TENM2: variants seen among roughly 807,000 people sequenced by gnomAD.
The protein encoded by TENM2 is teneurin-2.
In TENM2, 52 loss-of-function variants were observed where a neutral mutation model predicts 245.2. That is an observed-to-expected ratio of 0.21 (90% CI 0.17 to 0.27). The LOEUF is 0.27. Ranked by LOEUF, TENM2 falls within the 10% of genes least tolerant of loss-of-function variation. The pLI, the probability that TENM2 is intolerant of heterozygous loss-of-function variation, is 1.00. For synonymous variants in TENM2, 1,363 were observed against 1,438.9 expected, an observed-to-expected ratio of 0.95 and a Z score of 1.19; for missense variants, 3,046 against 3,666.8, an observed-to-expected ratio of 0.83 and a Z score of 4.37.
At chr5:167,979,139 A>G (rs1562009818) in intron 4 of TENM2, among the ~76,000 whole-genome samples, 1 of 152,210 alleles carries the variant, frequency 6.6e-6, no homozygotes, top group Admixed American at 6.5e-5. Flanking sequence ...CTTCAGACAG[A>G]TGTCTTGAAG....
chr5:167,026,271 A>G, the TENM2 span, among the ~76,000 whole-genome samples: 1 of 152,208 alleles, frequency 6.6e-6, no homozygotes, highest in Non-Finnish European at 1.5e-5. Context: ...GGAATCAAAC[A>G]GATTTGGATA....
chr5:168,016,670 C>A (rs10076491), intron 5 of TENM2, among the ~76,000 whole-genome samples: 6 of 152,078 alleles, frequency 3.9e-5, no homozygotes, highest in Non-Finnish European at 7.4e-5. Flanking sequence ...TCCCCAAGCA[C>A]CTTCTCAGTG....
chr5:168,218,062 C>T lies in TENM2; in HGVS notation c.4234-63C>T, dbSNP rs930292443. ...CTAGATATATAAAACCAGTAAGTGC[C>T]GTACGGTTAAACGTTGGACATATTA... On this transcript the variant is annotated intron_variant, in intron 22 of 28. Transcript: ENST00000518659. The surrounding 1 kb of genome is among the most constrained non-coding windows in gnomAD (Gnocchi z 5.2). The T allele has an allele frequency of 3.3e-6, 5 of 1,533,632 alleles. No homozygotes were observed. The highest frequency in any genetic ancestry group is 2.3e-5 in the East Asian group (1 of 44,168).
At chr5:167,316,928 A>C (rs2127763946) in intron 1 of TENM2, among the ~76,000 whole-genome samples, 1 of 152,222 alleles carries the variant, frequency 6.6e-6, no homozygotes, top group African/African-American at 2.4e-5. Context: ...TTGCCAAAAA[A>C]AGAGCACACA....
intron 5 of TENM2, among the ~76,000 whole-genome samples, chr5:167,997,793 C>T (rs184376068): frequency 2.1e-4 from 32 of 152,236 alleles, no homozygotes; most frequent in Middle Eastern, 3.4e-3. Context: ...GGATTTGGTC[C>T]GCAGGCCATA....
the TENM2 span, among the ~76,000 whole-genome samples, chr5:167,227,001 CTGTTT>C: frequency 6.6e-6 from 1 of 151,634 alleles, no homozygotes; most frequent in Admixed American, 6.6e-5. Flanking sequence ...AACTTAAAGT[CTGTTT>C]TAAGTATAGC....
chr5:167,808,882 A>G (rs1050545436), intron 2 of TENM2, among the ~76,000 whole-genome samples: 1 of 152,204 alleles, frequency 6.6e-6, no homozygotes, highest in Non-Finnish European at 1.5e-5. Flanking sequence ...TAAAGTGTCT[A>G]TGACAATATT....
intron 12 of TENM2, among the ~76,000 whole-genome samples, chr5:168,150,175 T>C (rs1390868466): frequency 6.9e-5 from 6 of 86,670 alleles, no homozygotes; most frequent in Non-Finnish European, 1.1e-4. Context: ...GTCTCTTTCA[T>C]TGACTACTGT....
intron 2 of TENM2, among the ~76,000 whole-genome samples, chr5:167,840,937 G>C (rs571576313): frequency 6.6e-6 from 1 of 152,216 alleles, no homozygotes; most frequent in East Asian, 1.9e-4. Flanking sequence ...TGCTGACAGA[G>C]ACCTTGCAAC....
chr5:167,682,798 A>G (rs992559149), intron 2 of TENM2, among the ~76,000 whole-genome samples: 17 of 152,278 alleles, frequency 1.1e-4, no homozygotes, highest in African/African-American at 3.6e-4. Context: ...ACTGTCAGGC[A>G]AACTGGGGAC....
chr5:167,807,779 A>G (rs1204990983), intron 2 of TENM2, among the ~76,000 whole-genome samples: 1 of 152,094 alleles, frequency 6.6e-6, no homozygotes, highest in Non-Finnish European at 1.5e-5. Flanking sequence ...GCAGGGCAAC[A>G]TGAAAACTCC....
At chr5:167,772,561 G>A (rs1257359730) in intron 2 of TENM2, among the ~76,000 whole-genome samples, 7 of 151,524 alleles carry the variant, frequency 4.6e-5, no homozygotes, top group South Asian at 4.2e-4. Context: ...GAAGTCTGAC[G>A]TTTTCAATTA....
At chr5:167,309,434 C>T (rs1215427964) in intron 1 of TENM2, among the ~76,000 whole-genome samples, 2 of 152,146 alleles carry the variant, frequency 1.3e-5, no homozygotes, top group African/African-American at 2.4e-5. Context: ...ATATTTTCAA[C>T]GTATGATGGG....
intron 1 of TENM2, among the ~76,000 whole-genome samples, chr5:167,321,524 G>T (rs1052991316): frequency 2.0e-5 from 3 of 152,072 alleles, no homozygotes; most frequent in Non-Finnish European, 2.9e-5. Context: ...GAATTTGTCT[G>T]CTCTAACGTT....
chr5:167,518,465 G>T (rs2127578918), intron 2 of TENM2, among the ~76,000 whole-genome samples: 1 of 152,208 alleles, frequency 6.6e-6, no homozygotes, highest in South Asian at 2.1e-4. Context: ...ATATATAATT[G>T]TCATTTTTGT....
chr5:167,628,614 C>G (rs1778668484), intron 2 of TENM2, among the ~76,000 whole-genome samples: 3 of 152,166 alleles, frequency 2.0e-5, no homozygotes, highest in Admixed American at 2.0e-4. Context: ...TAGTGGAAAT[C>G]AGGATGACAC....
the TENM2 span, among the ~76,000 whole-genome samples, chr5:167,127,856 A>G: frequency 5.3e-5 from 8 of 152,100 alleles, no homozygotes; most frequent in Non-Finnish European, 1.0e-4. Context: ...TCATCAAAAT[A>G]CTAATGCTGT....
chr5:167,768,574 A>G (rs2150751251), intron 2 of TENM2, among the ~76,000 whole-genome samples: 1 of 152,286 alleles, frequency 6.6e-6, no homozygotes, highest in South Asian at 2.1e-4. Flanking sequence ...TCAGGAGCTC[A>G]TAATGGTTAT....
chr5:167,777,767 A>G (rs1459098020), intron 2 of TENM2, among the ~76,000 whole-genome samples: 2 of 152,222 alleles, frequency 1.3e-5, no homozygotes, highest in African/African-American at 4.8e-5. Context: ...TTCTTATGTC[A>G]GAAAAGGGGC....
Sources: allele counts gnomAD v4.1 joint callset (sites outside exome capture counted in the v4.1 genomes callset), GRCh38; gene constraint gnomAD v4.1.1; non-coding constraint Gnocchi (gnomAD v3.1); transcripts MANE v1.5; gene names NCBI Gene and HGNC (gene_info 2026-07-23, HGNC 2026-07-21).